Variants in PPHLN1 observed in about 807,000 individuals in gnomAD.
The protein encoded by PPHLN1 is periphilin-1.
A neutral mutation model predicts 51.3 loss-of-function variants in PPHLN1; 29 were observed. The ratio of observed to expected loss-of-function variants is 0.57; its 90% CI spans 0.42 to 0.77. PPHLN1 has a LOEUF of 0.77. Ranked by LOEUF, PPHLN1 falls within the 30% of genes least tolerant of loss-of-function variation. PPHLN1 has a pLI of 0.00. For missense variants in PPHLN1, 436 were observed against 438.4 expected (o/e 0.99, Z 0.05); for synonymous variants, 147 against 147.8 (o/e 0.99, Z 0.04).
At chr12:42,440,815 G>A (rs1297891998) in intron 9 of PPHLN1, among the ~76,000 whole-genome samples, 3 of 152,214 alleles carry the variant, frequency 2.0e-5, no homozygotes, top group Admixed American at 6.5e-5. Flanking sequence ...CTGACCTCAG[G>A]TGATCCACCC....
At chr12:42,419,071 A>G (rs1460232929) in intron 9 of PPHLN1, among the ~76,000 whole-genome samples, 2 of 152,206 alleles carry the variant, frequency 1.3e-5, no homozygotes, top group Non-Finnish European at 2.9e-5. Flanking sequence ...AATAAAAACA[A>G]AGAAATTGGG....
intron 9 of PPHLN1, among the ~76,000 whole-genome samples, chr12:42,400,955 T>G (rs2078788684): frequency 1.3e-5 from 2 of 152,182 alleles, no homozygotes; most frequent in Non-Finnish European, 2.9e-5. Context: ...CAGTCCCTGA[T>G]TTCTCCATAT....
intron 6 of PPHLN1, 52 bp downstream of exon 6, chr12:42,385,048 G>C: frequency 6.6e-7 from 1 of 1,509,102 alleles, no homozygotes; most frequent in Non-Finnish European, 9.2e-7. Context: ...TGGGAGACTT[G>C]AACTGATAGC....
intron 3 of PPHLN1, among the ~76,000 whole-genome samples, chr12:42,354,166 C>T (rs1353414691): frequency 1.3e-5 from 2 of 152,038 alleles, no homozygotes; most frequent in African/African-American, 2.4e-5. Context: ...TTATTTTAGA[C>T]GAATCCGTTT....
Position 42,394,940 on chromosome 12 carries a change from G to A in PPHLN1, c.768+1251G>A, listed in dbSNP as rs540915602. ...TTATGGAACCAAAAACTTTCAAAAAGAATAATTTCTTAATACTTCATCTCC... is the reference window on the plus strand; with the variant it reads ...TTATGGAACCAAAAACTTTCAAAAAAAATAATTTCTTAATACTTCATCTCC... On this transcript the variant is annotated intron_variant, in intron 8 of 9. Transcript: ENST00000358314. Among the ~76,000 whole-genome samples, 4 of 152,090 alleles carry A rather than the reference G, an allele frequency of 2.6e-5. No homozygotes were observed. The East Asian group carries it at 7.7e-4, about 29-fold the overall frequency.
rs1048411815 is a variant in PPHLN1 at position 42,413,601 on chromosome 12, G to T, written c.909+14607G>T. Among the ~76,000 whole-genome samples the T allele has an allele frequency of 1.0e-4, 15 of 148,496 alleles. 1 individual carries two copies. The highest frequency in any genetic ancestry group is 3.4e-4 in the Admixed American group (5 of 14,828). Reference sequence around the variant, plus strand: ...TTTTGAGATGGAGTGTCACTCTCTTGCCCGGGCTGGAGTGCAGTGGCGCCA... The same window carrying T: ...TTTTGAGATGGAGTGTCACTCTCTTTCCCGGGCTGGAGTGCAGTGGCGCCA... On this transcript the variant is annotated intron_variant, in intron 9 of 9. Coordinates refer to ENST00000358314, the MANE Select transcript of PPHLN1 (RefSeq NM_201439.2).
At chr12:42,338,758 G>A (rs973615243) in intron 2 of PPHLN1, among the ~76,000 whole-genome samples, 16 of 152,140 alleles carry the variant, frequency 1.1e-4, no homozygotes, top group African/African-American at 3.6e-4. Context: ...TTCCTAGAGA[G>A]CTCTTTAGTA....
intron 4 of PPHLN1, among the ~76,000 whole-genome samples, chr12:42,363,164 AAC>A (rs1225317470): frequency 3.3e-5 from 5 of 152,266 alleles, no homozygotes; most frequent in African/African-American, 1.2e-4. Context: ...AGGAAACAGT[AAC>A]AGTCTTAATT....
intron 4 of PPHLN1, 30 bp downstream of exon 4, chr12:42,355,252 C>T: frequency 1.3e-6 from 2 of 1,574,866 alleles, no homozygotes; most frequent in Admixed American, 1.7e-5. Context: ...AGCATAAGTA[C>T]TTTGATACTT....
At chr12:42,446,825 A>G (rs2083346001), downstream of PPHLN1, 2 of 509,042 alleles carry the variant, frequency 3.9e-6, no homozygotes, top group Non-Finnish European at 6.7e-6. Context: ...TAATTCTCTT[A>G]CCCTGAGGCT....
At chr12:42,372,140 CACAT>C (rs1340288153) in intron 4 of PPHLN1, among the ~76,000 whole-genome samples, 1 of 151,792 alleles carries the variant, frequency 6.6e-6, no homozygotes, top group East Asian at 1.9e-4. Flanking sequence ...AATACACACA[CACAT>C]ATCTGAAAAA....
intron 6 of PPHLN1, among the ~76,000 whole-genome samples, chr12:42,385,818 T>C (rs1389876317): frequency 6.6e-6 from 1 of 152,172 alleles, no homozygotes; most frequent in South Asian, 2.1e-4. Context: ...GCCACAGATA[T>C]TTGGAAATGA....
At chr12:42,393,497 G>A in intron 7 of PPHLN1, 73 bp from the exon 8 acceptor site, 3 of 1,378,762 alleles carry the variant, frequency 2.2e-6, no homozygotes, top group Middle Eastern at 1.9e-4. Context: ...AATGTAAGTG[G>A]AGTGTACTTC....
chr12:42,442,148 A>G lies in PPHLN1; in HGVS notation c.*639A>G, dbSNP rs1397672201. The G allele has an allele frequency of 4.6e-6, 1 of 217,010 alleles. No individual in the cohort carries two copies. The highest frequency in any genetic ancestry group is 7.9e-6 in the Non-Finnish European group (1 of 127,162). The allele number at this position is 217,010 out of a possible 1,614,324, so 13.4% of individuals were successfully genotyped here. ...ATAATATCATATACAAGACTAATAAATAGAAGATGCAGTTTGAGGTGGAAG... is the reference window on the plus strand; with the variant it reads ...ATAATATCATATACAAGACTAATAAGTAGAAGATGCAGTTTGAGGTGGAAG... On this transcript the variant is annotated 3_prime_UTR_variant, in exon 10 of 10. Transcript: ENST00000358314.
At chr12:42,434,061 C>T (rs2082272333) in intron 9 of PPHLN1, among the ~76,000 whole-genome samples, 1 of 152,216 alleles carries the variant, frequency 6.6e-6, no homozygotes, top group African/African-American at 2.4e-5. Flanking sequence ...AGCTCCATAC[C>T]TGTTCCCCCA....
At chr12:42,353,827 T>G (rs1021121279) in intron 3 of PPHLN1, among the ~76,000 whole-genome samples, 1 of 152,192 alleles carries the variant, frequency 6.6e-6, no homozygotes, top group Non-Finnish European at 1.5e-5. Flanking sequence ...ATGATTTTTT[T>G]TCTAAAAACT....
Position 42,432,941 on chromosome 12 carries a change from T to G in PPHLN1, c.910-8374T>G. 4 of 1,369,146 alleles carry G rather than the reference T, an allele frequency of 2.9e-6. No homozygotes were observed. The South Asian group carries it at 4.6e-5, about 16-fold the overall frequency. 84.8% of individuals were successfully genotyped at this position (1,369,146 alleles called of 1,614,324 possible). A position where few individuals can be genotyped will look rare whatever the true frequency, so the allele number is the denominator to read the frequency against. On this transcript the variant is annotated intron_variant, in intron 9 of 9. Coordinates refer to ENST00000358314, the MANE Select transcript of PPHLN1 (RefSeq NM_201439.2). ...AGACAGTGTCATTAGCTGTGTTGTT[T>G]CTGGATGGTAAAAAATTCTGCATGC... is the stretch of plus-strand genomic sequence containing the variant.
At chr12:42,404,524 C>T (rs987996016) in intron 9 of PPHLN1, among the ~76,000 whole-genome samples, 8 of 111,394 alleles carry the variant, frequency 7.2e-5, no homozygotes, top group African/African-American at 1.6e-4. Context: ...AGCAAAACTC[C>T]GTCTCAACAA....
intron 7 of PPHLN1, 71 bp downstream of exon 7, chr12:42,387,606 T>G: frequency 6.6e-7 from 1 of 1,519,178 alleles, no homozygotes; most frequent in Non-Finnish European, 8.8e-7. Flanking sequence ...TACAGATGCT[T>G]TTATTCTTTA....
Sources: allele counts gnomAD v4.1 joint callset (sites outside exome capture counted in the v4.1 genomes callset), GRCh38; gene constraint gnomAD v4.1.1; transcripts MANE v1.5; gene names NCBI Gene and HGNC (gene_info 2026-07-23, HGNC 2026-07-21).